The following CDC42BPA variants were observed in gnomAD, a reference collection of about 807,000 sequenced individuals.
The protein encoded by CDC42BPA is serine/threonine-protein kinase MRCK alpha.
Under a neutral mutation model 223.5 loss-of-function variants are expected in CDC42BPA, and 80 were observed. That is an observed-to-expected ratio of 0.36 (90% CI 0.30 to 0.43). CDC42BPA has a LOEUF of 0.43. Among genes scored for constraint, CDC42BPA ranks in the 20% least tolerant of loss-of-function variants. The pLI, the probability that CDC42BPA is intolerant of heterozygous loss-of-function variation, is 1.00. For synonymous variants in CDC42BPA, 694 were observed against 718.6 expected (o/e 0.97, Z 0.55); for missense variants, 1,743 against 2,099.9 (o/e 0.83, Z 3.32).
intron 3 of CDC42BPA, among the ~76,000 whole-genome samples, 172 bp from the exon 4 acceptor site, chr1:227,199,824 A>C (rs1671407494): frequency 6.6e-6 from 1 of 152,138 alleles, no homozygotes; most frequent in African/African-American, 2.4e-5. Context: ...GGGCTACTGG[A>C]ATAGTACCTT....
At chr1:227,041,640 T>C (rs74140241) in intron 23 of CDC42BPA, among the ~76,000 whole-genome samples, 2,621 of 152,314 alleles carry the variant, frequency 0.017, 74 homozygotes, top group African/African-American at 0.06. Context: ...ATTATCTTTT[T>C]ACATAGAAAA....
chr1:227,183,895 G>T (rs1365045772), intron 5 of CDC42BPA, among the ~76,000 whole-genome samples: 1 of 152,132 alleles, frequency 6.6e-6, no homozygotes, highest in African/African-American at 2.4e-5. Context: ...GTTCAAACAG[G>T]TGGGTAATAA....
chr1:227,230,816 C>CTTTTTTTT (rs34787332), intron 2 of CDC42BPA, among the ~76,000 whole-genome samples: 43 of 54,044 alleles, frequency 8.0e-4, no homozygotes, highest in South Asian at 2.2e-3. Flanking sequence ...TTTTTTCTTT[C>CTTTTTTTT]TTTCTTTTTT....
At chr1:227,048,039 A>C (rs781189499) in intron 22 of CDC42BPA, 29 bp from the exon 23 acceptor site, 4 of 1,374,606 alleles carry the variant, frequency 2.9e-6, no homozygotes, top group Admixed American at 3.6e-5. Context: ...AAGGAAATAA[A>C]TGTCATGAAA....
intron 1 of CDC42BPA, among the ~76,000 whole-genome samples, chr1:227,259,118 G>C (rs1307622467): frequency 6.6e-6 from 1 of 150,898 alleles, no homozygotes; most frequent in Non-Finnish European, 1.5e-5. Flanking sequence ...CACTTTCTGA[G>C]GTATCTGCCA....
In CDC42BPA at chr1:227,317,987, C is replaced by T; in HGVS notation, c.-805G>A. 1 of 392,194 alleles carries T rather than the reference C, an allele frequency of 2.5e-6. No individual in the cohort carries two copies. The highest frequency in any genetic ancestry group is 1.3e-4 in the South Asian group (1 of 7,706). 24.3% of individuals were successfully genotyped at this position (392,194 alleles called of 1,614,324 possible). A position where few individuals can be genotyped will look rare whatever the true frequency, so the allele number is the denominator to read the frequency against. On this transcript the variant is annotated 5_prime_UTR_variant, in exon 1 of 37. Coordinates refer to ENST00000366766, the MANE Select transcript of CDC42BPA (RefSeq NM_001394014.1). ...CCGGGGGTGGAAGGCGGGCTGCGGGCGGCACTGGCACCGGGCTCCGGAGAA... is the reference window on the plus strand; with the variant it reads ...CCGGGGGTGGAAGGCGGGCTGCGGGTGGCACTGGCACCGGGCTCCGGAGAA...
intron 16 of CDC42BPA, among the ~76,000 whole-genome samples, chr1:227,082,424 G>A (rs1257929569): frequency 6.6e-6 from 1 of 151,826 alleles, no homozygotes; most frequent in Non-Finnish European, 1.5e-5. Context: ...GAAGAATGCA[G>A]GTTGTCCTGG....
chr1:227,155,740 A>G (rs1333924989), intron 6 of CDC42BPA, among the ~76,000 whole-genome samples: 1 of 152,226 alleles, frequency 6.6e-6, no homozygotes, highest in Non-Finnish European at 1.5e-5. Context: ...TCTGAAGAAA[A>G]GAAATGCAAT....
rs1456038818 is a variant in CDC42BPA at position 227,266,071 on chromosome 1, T to A, written c.179-11916A>T. 2.0e-5 allele frequency among the ~76,000 whole-genome samples: 3 copies of A among 152,228 alleles called. No individual in the cohort carries two copies. In the South Asian group the frequency reaches 6.2e-4, roughly 31 times the overall value. On this transcript the variant is annotated intron_variant, in intron 1 of 36. Transcript: ENST00000366766. ...AGTTACCTAACAACTAATCTTCCCT[T>A]CTTCCTCATTGACAGACCCTATTTC...
intron 4 of CDC42BPA, among the ~76,000 whole-genome samples, chr1:227,197,860 T>G (rs1026243041): frequency 9.9e-5 from 15 of 152,150 alleles, no homozygotes; most frequent in African/African-American, 3.6e-4. Flanking sequence ...ACAAATGTTA[T>G]TAACAAACCC....
At chr1:227,094,751 T>C (rs1349986655) in intron 15 of CDC42BPA, among the ~76,000 whole-genome samples, 1 of 152,248 alleles carries the variant, frequency 6.6e-6, no homozygotes. Flanking sequence ...GTGTAGTTTT[T>C]CACTGCTAGG....
intron 2 of CDC42BPA, among the ~76,000 whole-genome samples, chr1:227,216,718 A>C (rs1327174236): frequency 1.3e-5 from 2 of 152,224 alleles, no homozygotes; most frequent in South Asian, 4.1e-4. Context: ...CTTAACATAT[A>C]ACAGTGTAGT....
chr1:227,046,560 T>C (rs961014171), intron 23 of CDC42BPA, among the ~76,000 whole-genome samples: 5 of 152,216 alleles, frequency 3.3e-5, no homozygotes, highest in African/African-American at 1.2e-4. Context: ...TTCACAAAAT[T>C]AACGTATTGC....
At chr1:227,124,749 T>G (rs1364235004) in intron 11 of CDC42BPA, among the ~76,000 whole-genome samples, 1 of 152,136 alleles carries the variant, frequency 6.6e-6, no homozygotes, top group Non-Finnish European at 1.5e-5. Flanking sequence ...ATTTCTACTT[T>G]ATCCTGGAGG....
chr1:227,035,329 T>C (rs1670020812), intron 25 of CDC42BPA, 142 bp downstream of exon 25: 1 of 630,972 alleles, frequency 1.6e-6, no homozygotes, highest in East Asian at 3.3e-5. Context: ...CAAATCATTA[T>C]TCTAGATGAA....
At chr1:227,186,538 G>A (rs752465368) in intron 5 of CDC42BPA, among the ~76,000 whole-genome samples, 23 of 152,204 alleles carry the variant, frequency 1.5e-4, no homozygotes, top group Non-Finnish European at 7.4e-5. Context: ...GGTGGCAGGG[G>A]TACTGAGAAG....
intron 21 of CDC42BPA, among the ~76,000 whole-genome samples, chr1:227,052,350 A>G (rs549750967): frequency 1.3e-5 from 2 of 152,176 alleles, no homozygotes; most frequent in South Asian, 2.1e-4. Context: ...AGAGATACAT[A>G]CGGCAGATTA....
At chr1:227,125,602 T>TGAAA (rs367953487) in intron 11 of CDC42BPA, among the ~76,000 whole-genome samples, 7 of 117,602 alleles carry the variant, frequency 6.0e-5, no homozygotes, top group Non-Finnish European at 3.5e-5. Flanking sequence ...GTCTACAAAT[T>TGAAA]AAAAAAAAAA....
intron 1 of CDC42BPA, among the ~76,000 whole-genome samples, chr1:227,276,668 G>C (rs1687122825): frequency 6.6e-6 from 1 of 152,258 alleles, no homozygotes; most frequent in Non-Finnish European, 1.5e-5. Context: ...AGAGAGATCA[G>C]ATTGTTGCTG....
Sources: gnomAD v4.1 joint callset for allele counts (sites outside exome capture counted in the v4.1 genomes callset) on GRCh38, gnomAD v4.1.1 for gene constraint, MANE v1.5 for transcripts, NCBI Gene and HGNC (gene_info 2026-07-23, HGNC 2026-07-21) for gene names.